The following SEC24D variants were observed in gnomAD, a reference collection of about 807,000 sequenced individuals.
The protein encoded by SEC24D is protein transport protein Sec24D.
SEC24D carries 69 observed loss-of-function variants against 116.9 expected under a neutral mutation model. The ratio of observed to expected loss-of-function variants is 0.59; its 90% CI spans 0.49 to 0.72. The LOEUF is 0.72. Among genes scored for constraint, SEC24D ranks in the 30% least tolerant of loss-of-function variants. The pLI, the probability that SEC24D is intolerant of heterozygous loss-of-function variation, is 0.00. For synonymous variants in SEC24D, 405 were observed against 442.8 expected (o/e 0.91, Z 1.07); for missense variants, 1,131 against 1,264.1 (o/e 0.89, Z 1.60).
intron 7 of SEC24D, among the ~76,000 whole-genome samples, chr4:118,801,807 A>G (rs1406536046): frequency 6.6e-6 from 1 of 152,246 alleles, no homozygotes; most frequent in African/African-American, 2.4e-5. Context: ...TGAAAAAGCA[A>G]TTGAGAATTT....
intron 18 of SEC24D, 64 bp from the exon 19 acceptor site, chr4:118,738,443 C>G: frequency 9.0e-7 from 1 of 1,108,694 alleles, no homozygotes; most frequent in Admixed American, 1.9e-5. Flanking sequence ...TTCAAATAAT[C>G]AAACAAAAAA....
intron 15 of SEC24D, among the ~76,000 whole-genome samples, chr4:118,743,010 A>G (rs17050426): frequency 0.025 from 3,861 of 152,138 alleles, 171 homozygotes; most frequent in African/African-American, 0.088. Flanking sequence ...GCCGGGGCGC[A>G]TAAGTTTGTG....
Position 118,805,944 on chromosome 4 carries a change from A to G in SEC24D, c.812T>C (p.Ile271Thr), listed in dbSNP as rs960008482. 9 of 1,594,248 alleles carry G rather than the reference A, an allele frequency of 5.6e-6. No homozygotes were observed. Among genetic ancestry groups the G allele is most frequent in the East Asian group, 4.5e-5 (2 of 44,082 alleles). Residue 271 changes from isoleucine to threonine, a missense_variant, in exon 7 of 23, where the codon ATT becomes ACT. By Grantham distance (89) the Ile-to-Thr change is moderately conservative. Coordinates refer to ENST00000280551, the MANE Select transcript of SEC24D (RefSeq NM_014822.4). ...TCCTCTGCTGGCTCTATCATTCTCA[A>G]TCACCTGGATCTGATAAATAAGACA... Reference protein sequence around the residue: ...PDSIPSPIQVIENDRASRGGQ... With the variant: ...PDSIPSPIQVTENDRASRGGQ...
At chr4:118,834,267 G>T (rs961867710) in intron 1 of SEC24D, among the ~76,000 whole-genome samples, 9 of 152,184 alleles carry the variant, frequency 5.9e-5, no homozygotes, top group African/African-American at 2.2e-4. Context: ...TTGATAATGG[G>T]CTTATTTTAT....
chr4:118,757,872 A>C (rs1727187107), intron 10 of SEC24D, 27 bp from the exon 11 acceptor site: 2 of 1,574,082 alleles, frequency 1.3e-6, no homozygotes. Context: ...ACATCACATA[A>C]ATAAAGTAAA....
At chr4:118,743,073 T>C (rs4834700) in intron 15 of SEC24D, among the ~76,000 whole-genome samples, 116,797 of 152,026 alleles carry the variant, frequency 0.77, 45,493 homozygotes, top group African/African-American at 0.88. Flanking sequence ...AGGCCCATTA[T>C]AGTGCTGACA....
In SEC24D at chr4:118,810,126, GT is replaced by G. The variant is rs1560737199; in HGVS notation, c.802-4173del. ...TGTGTGTGTGTGTGTGTGTGTGTGTGTGTGTGTGTGTCAGAGGGTATAGGGG... is the reference window on the plus strand; with the variant it reads ...TGTGTGTGTGTGTGTGTGTGTGTGTGGTGTGTGTGTCAGAGGGTATAGGGG... On this transcript the variant is annotated intron_variant, in intron 6 of 22. Coordinates refer to ENST00000280551, the MANE Select transcript of SEC24D (RefSeq NM_014822.4). Among the ~76,000 whole-genome samples the G allele has an allele frequency of 1.7e-3, 217 of 126,600 alleles. 4 individuals carry two copies. The highest frequency in any genetic ancestry group is 7.4e-3 in the South Asian group (32 of 4,326). The allele number at this position is 126,600 out of a possible 152,430, so 83.1% of individuals were successfully genotyped here. A position where few individuals can be genotyped will look rare whatever the true frequency, so the allele number is the denominator to read the frequency against.
At chr4:118,794,658 GT>G (rs1489698743) in intron 8 of SEC24D, among the ~76,000 whole-genome samples, 1 of 152,224 alleles carries the variant, frequency 6.6e-6, no homozygotes, top group Admixed American at 6.5e-5. Flanking sequence ...GGCTGCACAT[GT>G]GTAGCAACCC....
chr4:118,763,060 A>C (rs1020043157), intron 10 of SEC24D, among the ~76,000 whole-genome samples: 1 of 152,182 alleles, frequency 6.6e-6, no homozygotes, highest in Admixed American at 6.5e-5. Context: ...TCTTACATTG[A>C]ATTAAAACAT....
At chr4:118,764,683 C>CT in intron 10 of SEC24D, 119 bp downstream of exon 10, 1 of 602,800 alleles carries the variant, frequency 1.7e-6, no homozygotes, top group Non-Finnish European at 2.9e-6. Flanking sequence ...ATTTCTACCA[C>CT]TCCATGGTAC....
intron 6 of SEC24D, among the ~76,000 whole-genome samples, chr4:118,811,052 A>G (rs1729901747): frequency 6.6e-6 from 1 of 152,244 alleles, no homozygotes; most frequent in Non-Finnish European, 1.5e-5. Flanking sequence ...AGATTTGGTA[A>G]CAGGAAGTCA....
chr4:118,753,019 C>A (rs191321759), intron 11 of SEC24D, 131 bp from the exon 12 acceptor site: 827 of 648,036 alleles, frequency 1.3e-3, no homozygotes, highest in Non-Finnish European at 1.8e-3. Flanking sequence ...GTCTTACTTT[C>A]TGTTACCAAG....
intron 8 of SEC24D, 86 bp from the exon 9 acceptor site, chr4:118,768,397 T>TTG: frequency 3.3e-6 from 3 of 908,514 alleles, no homozygotes; most frequent in South Asian, 2.0e-5. Flanking sequence ...AATGGCACTT[T>TTG]TTTTTTTTTT....
At chr4:118,819,460 G>A (rs563334477) in intron 3 of SEC24D, among the ~76,000 whole-genome samples, 2 of 151,076 alleles carry the variant, frequency 1.3e-5, no homozygotes, top group African/African-American at 4.9e-5. Context: ...GAACCTGGGA[G>A]GCGGAGCTTG....
chr4:118,818,141 G>A (rs192015677), intron 3 of SEC24D, among the ~76,000 whole-genome samples: 38 of 152,228 alleles, frequency 2.5e-4, no homozygotes, highest in African/African-American at 6.7e-4. Flanking sequence ...AACAATGGCC[G>A]CTATCTGGAC....
intron 6 of SEC24D, among the ~76,000 whole-genome samples, chr4:118,813,526 C>G (rs1208839426): frequency 6.6e-6 from 1 of 152,172 alleles, no homozygotes; most frequent in South Asian, 2.1e-4. Context: ...CGTGCTAGCT[C>G]AGGTCTCTTT....
chr4:118,777,616 G>A (rs1560680356), intron 8 of SEC24D, among the ~76,000 whole-genome samples: 3 of 152,144 alleles, frequency 2.0e-5, no homozygotes. Context: ...AATCCTTTGG[G>A]TATATACCCA....
rs192418553 is a variant in SEC24D at position 118,726,812 on chromosome 4, G to A, written c.2958+1749C>T. ...TGTTGTTCCCCACAGAGAATAATCT[G>A]ACAATAAGGTCTAAGAGGACTGTTT... On this transcript the variant is annotated intron_variant, in intron 22 of 22. Coordinates refer to ENST00000280551, the MANE Select transcript of SEC24D (RefSeq NM_014822.4). Among the ~76,000 whole-genome samples, 19 of 152,230 alleles carry A rather than the reference G, an allele frequency of 1.2e-4. No individual in the cohort carries two copies. The East Asian group carries it at 3.7e-3, about 29-fold the overall frequency.
intron 3 of SEC24D, 80 bp downstream of exon 3, chr4:118,824,540 T>G: frequency 1.4e-6 from 2 of 1,465,254 alleles, no homozygotes; most frequent in Non-Finnish European, 1.9e-6. Context: ...TTTCAACCAA[T>G]AAACATACAA....
Sources: gnomAD v4.1 joint callset for allele counts (sites outside exome capture counted in the v4.1 genomes callset) on GRCh38, gnomAD v4.1.1 for gene constraint, MANE v1.5 for transcripts, NCBI Gene and HGNC (gene_info 2026-07-23, HGNC 2026-07-21) for gene names.